PCYT1B: variants seen among roughly 807,000 people sequenced by gnomAD.
The protein encoded by PCYT1B is phosphate cytidylyltransferase 1B, choline.
Under a neutral mutation model 26.4 loss-of-function variants are expected in PCYT1B, and 10 were observed. The ratio of observed to expected loss-of-function variants is 0.38; its 90% CI spans 0.23 to 0.64. The LOEUF (loss-of-function observed/expected upper bound fraction) is 0.64, where lower values mean the gene tolerates loss of function less well. Among genes scored for constraint, PCYT1B ranks in the 30% least tolerant of loss-of-function variants. The pLI is 0.56. For missense variants in PCYT1B, 161 were observed against 292.7 expected, an observed-to-expected ratio of 0.55 and a Z score of 3.28; for synonymous variants, 131 against 108.4, an observed-to-expected ratio of 1.21 and a Z score of -1.29.
At chrX:24,614,923 G>GTCC (rs1423927374) in intron 2 of PCYT1B, among the ~76,000 whole-genome samples, 1 of 111,691 alleles carries the variant, frequency 9.0e-6, no homozygotes, top group Non-Finnish European at 1.9e-5. Context: ...GGTTCTCAAA[G>GTCC]TGTGGTCCCA....
chrX:24,567,673 G>A lies in PCYT1B; in HGVS notation c.898-5168C>T, dbSNP rs188145109. On this transcript the variant is annotated intron_variant, in intron 7 of 7. Coordinates refer to ENST00000379144, the MANE Select transcript of PCYT1B (RefSeq NM_004845.5). ...TTTTAAGAAGTACTTAACATCGGCC[G>A]GGTGCGGTGGCTCATGCCTGTTATT... Among the ~76,000 whole-genome samples, 423 of 112,004 alleles carry A rather than the reference G, an allele frequency of 3.8e-3. 3 individuals are homozygous for A. The highest frequency in any genetic ancestry group is 0.013 in the African/African-American group (404 of 30,831).
At chrX:24,650,820 G>T, upstream of PCYT1B, among the ~76,000 whole-genome samples, 1 of 112,008 alleles carries the variant, frequency 8.9e-6, no homozygotes, top group East Asian at 2.8e-4. Flanking sequence ...TATGTACAAA[G>T]ATGCTTAATG....
At chrX:24,571,775 G>A (rs982114000) in intron 7 of PCYT1B, among the ~76,000 whole-genome samples, 1 of 110,526 alleles carries the variant, frequency 9.0e-6, no homozygotes, top group East Asian at 2.8e-4. Context: ...GAGTAAGACT[G>A]TATCTCTACA....
intron 1 of PCYT1B, among the ~76,000 whole-genome samples, chrX:24,670,571 T>C (rs913023333): frequency 1.8e-5 from 2 of 112,093 alleles, no homozygotes; most frequent in African/African-American, 6.5e-5. Flanking sequence ...GAGAAAAATG[T>C]TAATAAAATC....
chrX:24,570,216 T>C (rs1419637483), intron 7 of PCYT1B, among the ~76,000 whole-genome samples: 1 of 102,938 alleles, frequency 9.7e-6, no homozygotes, highest in Admixed American at 1.1e-4. Flanking sequence ...AAGGTTAAAA[T>C]GGTACATTTT....
intron 1 of PCYT1B, among the ~76,000 whole-genome samples, chrX:24,644,628 T>A (rs1926566283): frequency 1.8e-5 from 2 of 111,845 alleles, no homozygotes; most frequent in African/African-American, 3.2e-5. Context: ...AGTGTGACCC[T>A]TGGGCAAGTC....
rs966996273 is a variant in PCYT1B at position 24,562,226 on chromosome X, A to T, written c.*67T>A. On this transcript the variant is annotated 3_prime_UTR_variant, in exon 8 of 8. Transcript: ENST00000379144. ...GACTATTACCCTTCAAACACCACCC[A>T]GGCAACCCTGTGACTCTCGCCCTCC... The T allele has an allele frequency of 2.3e-5, 27 of 1,178,319 alleles. No individual in the cohort carries two copies. In the South Asian group the frequency reaches 5.0e-4, roughly 22 times the overall value.
At chrX:24,575,001 T>C in intron 7 of PCYT1B, 129 bp downstream of exon 7, 1 of 468,062 alleles carries the variant, frequency 2.1e-6, no homozygotes, top group East Asian at 3.9e-5. Flanking sequence ...TTGAAGTCAT[T>C]CAGGCTGATG....
rs139086963 is a variant in PCYT1B at position 24,604,241 on chromosome X, C to G, written c.334+3504G>C. Among the ~76,000 whole-genome samples, 949 of 109,839 alleles carry G rather than the reference C, an allele frequency of 8.6e-3. 7 individuals are homozygous for G. Among genetic ancestry groups the G allele is most frequent in the Non-Finnish European group, 0.013 (676 of 52,743 alleles). On this transcript the variant is annotated intron_variant, in intron 3 of 7. Coordinates refer to ENST00000379144, the MANE Select transcript of PCYT1B (RefSeq NM_004845.5). ...AGCTGGGACTACAGGCGTGCAGCAC[C>G]ATGCCAGGCTAATTTTTTGTTGTAT...
rs115992849 is a variant in PCYT1B, at chrX:24,635,146, C to A, written c.117+11843G>T. Among the ~76,000 whole-genome samples the A allele has an allele frequency of 8.0e-3, 893 of 112,221 alleles. 12 individuals are homozygous for A. Among genetic ancestry groups the A allele is most frequent in the African/African-American group, 0.028 (865 of 30,909 alleles). On this transcript the variant is annotated intron_variant, in intron 1 of 7. Coordinates refer to ENST00000379144, the MANE Select transcript of PCYT1B (RefSeq NM_004845.5). Reference sequence around the variant, plus strand: ...GTGAGTCATGTGATACTCAATCCAGCATGTCACAAAATACTGTTACATGTA... The same window carrying A: ...GTGAGTCATGTGATACTCAATCCAGAATGTCACAAAATACTGTTACATGTA...
At chrX:24,568,190 C>T (rs1385028103) in intron 7 of PCYT1B, among the ~76,000 whole-genome samples, 2 of 111,449 alleles carry the variant, frequency 1.8e-5, no homozygotes, top group East Asian at 2.8e-4. Flanking sequence ...AACAACTAAC[C>T]CTTACACGGT....
At chrX:24,577,689 C>A (rs1924066709) in intron 6 of PCYT1B, among the ~76,000 whole-genome samples, 1 of 112,030 alleles carries the variant, frequency 8.9e-6, no homozygotes, top group Non-Finnish European at 1.9e-5. Flanking sequence ...TACCAATGAT[C>A]AATTGTGTGA....
chrX:24,630,986 G>A (rs758596319), intron 1 of PCYT1B, among the ~76,000 whole-genome samples: 17 of 111,241 alleles, frequency 1.5e-4, no homozygotes, highest in Admixed American at 1.1e-3. Context: ...GCAGTGGCGC[G>A]ATCTCAGCTC....
chrX:24,601,690 A>G (rs975140346), intron 3 of PCYT1B, among the ~76,000 whole-genome samples: 30 of 111,914 alleles, frequency 2.7e-4, no homozygotes, highest in Non-Finnish European at 1.9e-5. Flanking sequence ...CAGGAAGCAC[A>G]TGAAAAATGT....
At chrX:24,642,880 A>G (rs1223131921) in intron 1 of PCYT1B, among the ~76,000 whole-genome samples, 3 of 111,790 alleles carry the variant, frequency 2.7e-5, no homozygotes, top group Non-Finnish European at 5.6e-5. Flanking sequence ...CTACCTCCAA[A>G]CTGACATAAT....
chrX:24,584,126 G>A (rs1325622216), intron 5 of PCYT1B, among the ~76,000 whole-genome samples: 1 of 111,154 alleles, frequency 9.0e-6, no homozygotes, highest in African/African-American at 3.3e-5. Flanking sequence ...CTTGAGCCCA[G>A]GAGTTTGAGA....
At chrX:24,585,142 G>A (rs939974657) in intron 5 of PCYT1B, among the ~76,000 whole-genome samples, 2 of 110,782 alleles carry the variant, frequency 1.8e-5, no homozygotes, top group Admixed American at 9.7e-5. Context: ...ATTGGGAAGC[G>A]GACAGCAGAA....
chrX:24,617,561 C>T (rs1026255375), intron 2 of PCYT1B, among the ~76,000 whole-genome samples: 9 of 107,181 alleles, frequency 8.4e-5, no homozygotes, highest in Non-Finnish European at 1.5e-4. Flanking sequence ...GATTCTCTCA[C>T]CTCAGCCTCC....
At chrX:24,667,269 GA>G (rs1268198158) in intron 1 of PCYT1B, among the ~76,000 whole-genome samples, 1 of 110,763 alleles carries the variant, frequency 9.0e-6, no homozygotes, top group Non-Finnish European at 1.9e-5. Flanking sequence ...GAGGACTCTT[GA>G]ATCAGCCTAC....
Sources: allele counts gnomAD v4.1 joint callset (sites outside exome capture counted in the v4.1 genomes callset), GRCh38; gene constraint gnomAD v4.1.1; transcripts MANE v1.5; gene names NCBI Gene and HGNC (gene_info 2026-07-23, HGNC 2026-07-21).